The following MTAP variants were observed in gnomAD, a reference collection of about 807,000 sequenced individuals.
The protein encoded by MTAP is methylthioadenosine phosphorylase.
In MTAP, 33 loss-of-function variants were observed where a neutral mutation model predicts 33.6. That is an observed-to-expected ratio of 0.98 (90% CI 0.74 to 1.31). MTAP has a LOEUF of 1.31. MTAP is among the 40% of genes most tolerant of loss of function. The pLI, the probability that MTAP is intolerant of heterozygous loss-of-function variation, is 0.00. For synonymous variants in MTAP, 148 were observed against 125.7 expected (o/e 1.18, Z -1.19); for missense variants, 367 against 360.0 (o/e 1.02, Z -0.16).
At chr9:21,832,021 C>T (rs148847006) in intron 4 of MTAP, among the ~76,000 whole-genome samples, 78 of 152,308 alleles carry the variant, frequency 5.1e-4, no homozygotes, top group African/African-American at 1.7e-3. Context: ...ATTCCTTTGT[C>T]ACTTAGTGTC....
At chr9:21,898,980 A>C (rs1329338211) in intron 1 of MTAP, among the ~76,000 whole-genome samples, 2 of 152,214 alleles carry the variant, frequency 1.3e-5, no homozygotes, top group South Asian at 2.1e-4. Context: ...CTTGGAACCA[A>C]CTTAAATGTC....
At chr9:21,885,779 G>GGGGT (rs1491144743) in intron 1 of MTAP, among the ~76,000 whole-genome samples, 1 of 144,348 alleles carries the variant, frequency 6.9e-6, no homozygotes, top group African/African-American at 2.5e-5. Context: ...AGTATTACAT[G>GGGGT]GTGTGTGTGT....
intron 1 of MTAP, among the ~76,000 whole-genome samples, chr9:21,877,370 T>C (rs1242566411): frequency 6.6e-6 from 1 of 152,092 alleles, no homozygotes; most frequent in Non-Finnish European, 1.5e-5. Flanking sequence ...GCCTGATTGC[T>C]CCAGCCAGGA....
intron 6 of MTAP, among the ~76,000 whole-genome samples, chr9:21,855,223 C>T (rs1825611855): frequency 6.6e-6 from 1 of 152,086 alleles, no homozygotes; most frequent in Non-Finnish European, 1.5e-5. Context: ...ATCTATTAAC[C>T]CTTTCCTCAT....
intron 1 of MTAP, among the ~76,000 whole-genome samples, chr9:21,916,439 A>G (rs1454906315): frequency 1.3e-5 from 2 of 151,908 alleles, no homozygotes; most frequent in Non-Finnish European, 2.9e-5. Flanking sequence ...GTGAAACCCC[A>G]TCTCTACTAG....
At chr9:21,824,069 A>T (rs1009109124) in intron 4 of MTAP, among the ~76,000 whole-genome samples, 4 of 152,170 alleles carry the variant, frequency 2.6e-5, no homozygotes, top group Admixed American at 6.5e-5. Flanking sequence ...TCTTTAGCTC[A>T]GAGAAGTTTG....
chr9:21,902,425 T>A (rs1414852894), intron 1 of MTAP, among the ~76,000 whole-genome samples: 1 of 152,218 alleles, frequency 6.6e-6, no homozygotes, highest in Non-Finnish European at 1.5e-5. Context: ...TCATCCACAC[T>A]TAGCACATGT....
chr9:21,879,492 G>GT lies in MTAP; in HGVS notation c.147+24630dup, dbSNP rs936369627. On this transcript the variant is annotated intron_variant, in intron 1 of 1. Transcript: ENST00000577563. ...TGAAGACAGCATGCCACTGAATCTT[G>GT]TTTTTTTTATCCAGCTTGCCACTCT... Among the ~76,000 whole-genome samples the GT allele has an allele frequency of 1.1e-3, 160 of 151,836 alleles. 1 individual carries two copies. Among genetic ancestry groups the GT allele is most frequent in the African/African-American group, 3.6e-3 (151 of 41,402 alleles).
intron 1 of MTAP, among the ~76,000 whole-genome samples, chr9:21,920,137 G>C (rs539763065): frequency 6.6e-6 from 1 of 152,256 alleles, no homozygotes; most frequent in East Asian, 1.9e-4. Flanking sequence ...CTAAGCTCAA[G>C]AGCGAAAATC....
chr9:21,933,754 A>G (rs1818999680), downstream of MTAP: 1 of 152,172 alleles, frequency 6.6e-6, no homozygotes, highest in African/African-American at 2.4e-5. Context: ...TTTCAAATGA[A>G]AACTGTGAAA....
chr9:21,904,343 A>T (rs1000067022), intron 1 of MTAP, among the ~76,000 whole-genome samples: 1 of 152,144 alleles, frequency 6.6e-6, no homozygotes, highest in African/African-American at 2.4e-5. Flanking sequence ...GAAAACAAAA[A>T]TGCCTGTCCT....
chr9:21,828,684 A>T (rs537084150), intron 4 of MTAP, among the ~76,000 whole-genome samples: 1 of 152,338 alleles, frequency 6.6e-6, no homozygotes, highest in Non-Finnish European at 1.5e-5. Context: ...TCAAAAAAAA[A>T]GAAGGATCCC....
chr9:21,939,705 A>AAAT (rs61336285), downstream of MTAP, among the ~76,000 whole-genome samples: 4,123 of 150,746 alleles, frequency 0.027, 154 homozygotes, highest in African/African-American at 0.084. Context: ...CTCTATGAAA[A>AAAT]AATAATAATA....
intron 5 of MTAP, among the ~76,000 whole-genome samples, chr9:21,845,255 A>G (rs986494182): frequency 6.6e-6 from 1 of 152,190 alleles, no homozygotes; most frequent in Admixed American, 6.5e-5. Flanking sequence ...CTGTTCACCA[A>G]TGATATGATC....
Position 21,818,080 on chromosome 9 carries a change from G to C in MTAP, c.225G>C (p.Gln75His). The C allele has an allele frequency of 6.2e-7, 1 of 1,613,602 alleles. No homozygotes were observed. The highest frequency in any genetic ancestry group is 8.5e-7 in the Non-Finnish European group (1 of 1,179,856). Residue 75 changes from glutamine to histidine, a missense_variant, in exon 4 of 8, where the codon CAG becomes CAC. Physicochemically the swap from Gln to His is conservative, Grantham distance 24. Transcript: ENST00000644715. ...HTIMPSKVNY[Q>H]ANIWALKEEG... ...TCATGCCTTCAAAGGTCAACTACCA[G>C]GCGAACATCTGGGCTTTGAAGGAAG...
chr9:21,826,467 G>C (rs1004965688), intron 4 of MTAP, among the ~76,000 whole-genome samples: 13 of 151,710 alleles, frequency 8.6e-5, no homozygotes, highest in Non-Finnish European at 1.5e-4. Context: ...CTATAAACTG[G>C]ATTTAGTTCT....
intron 1 of MTAP, among the ~76,000 whole-genome samples, chr9:21,889,589 A>T (rs975973357): frequency 6.6e-6 from 1 of 152,022 alleles, no homozygotes; most frequent in African/African-American, 2.4e-5. Flanking sequence ...TTGTCCCTTG[A>T]TATGGTCCTA....
intron 1 of MTAP, among the ~76,000 whole-genome samples, chr9:21,915,005 TTCCTTCCTTCCTTCC>T (rs1563869299): frequency 2.3e-3 from 28 of 12,436 alleles, no homozygotes; most frequent in African/African-American, 9.4e-3. Flanking sequence ...TTTTCTTTCC[TTCCTTCCTTCCTTCC>T]TTCCTTCCTT....
Position 21,802,893 on chromosome 9 carries a change from C to T in MTAP, c.33+112C>T, listed in dbSNP as rs1050792186. The T allele has an allele frequency of 1.1e-5, 16 of 1,490,568 alleles. 1 individual carries two copies. The Admixed American group carries it at 3.6e-4, about 33-fold the overall frequency. The allele number at this position is 1,490,568 out of a possible 1,614,324, so 92.3% of individuals were successfully genotyped here. ...TGCGCCCGGCCCGTGCGTCCCTTGC[C>T]GCCGCGGGGAGGGACTGGGGCGCGG... On this transcript the variant is annotated intron_variant, in intron 1 of 7. Coordinates refer to ENST00000644715, the MANE Select transcript of MTAP (RefSeq NM_002451.4).
Sources: allele counts gnomAD v4.1 joint callset (sites outside exome capture counted in the v4.1 genomes callset), GRCh38; gene constraint gnomAD v4.1.1; transcripts MANE v1.5; gene names NCBI Gene and HGNC (gene_info 2026-07-23, HGNC 2026-07-21).